Variants in ATP6V1H observed in about 807,000 individuals in gnomAD.
The protein encoded by ATP6V1H is ATPase H+ transporting V1 subunit H, also known as V-type proton ATPase subunit H.
A neutral mutation model predicts 71.7 loss-of-function variants in ATP6V1H; 39 were observed. The observed-to-expected ratio is 0.54, with a 90% CI of 0.42 to 0.71. The LOEUF is 0.71. ATP6V1H is among the 30% of genes least tolerant of loss of function. ATP6V1H has a pLI of 0.00. For synonymous variants in ATP6V1H, 192 were observed against 199.3 expected (o/e 0.96, Z 0.31); for missense variants, 509 against 594.9 (o/e 0.86, Z 1.50).
At chr8:53,742,659 G>C (rs1471582865) in intron 13 of ATP6V1H, among the ~76,000 whole-genome samples, 1 of 152,194 alleles carries the variant, frequency 6.6e-6, no homozygotes, top group African/African-American at 2.4e-5. Flanking sequence ...TATGATAAAA[G>C]TGTTAAGTGG....
At chr8:53,838,125 GTCT>G (rs1346644685) in intron 2 of ATP6V1H, among the ~76,000 whole-genome samples, 1 of 77,206 alleles carries the variant, frequency 1.3e-5, no homozygotes, top group Non-Finnish European at 2.2e-5. Flanking sequence ...TCCTGTTACT[GTCT>G]TTTTTTTTTT....
intron 13 of ATP6V1H, among the ~76,000 whole-genome samples, chr8:53,740,782 C>G (rs1807380537): frequency 6.6e-6 from 1 of 152,182 alleles, no homozygotes; most frequent in Non-Finnish European, 1.5e-5. Context: ...TGGGGATATA[C>G]TTTGCAAAAG....
intron 12 of ATP6V1H, among the ~76,000 whole-genome samples, chr8:53,753,835 C>G (rs1807891081): frequency 6.6e-6 from 1 of 152,136 alleles, no homozygotes. Flanking sequence ...ACAGTGTCAA[C>G]AACTATGAGG....
chr8:53,797,971 C>G (rs539358651), intron 8 of ATP6V1H, among the ~76,000 whole-genome samples: 19 of 152,132 alleles, frequency 1.2e-4, no homozygotes, highest in Non-Finnish European at 2.5e-4. Flanking sequence ...GGGAATAGCA[C>G]TGCATCTATA....
chr8:53,731,968 C>T (rs892445951), intron 13 of ATP6V1H, among the ~76,000 whole-genome samples: 6 of 152,206 alleles, frequency 3.9e-5, no homozygotes, highest in African/African-American at 4.8e-5. Flanking sequence ...CTGAACACTG[C>T]GAAGGAACTG....
intron 8 of ATP6V1H, 87 bp from the exon 9 acceptor site, chr8:53,795,926 A>T (rs1809715908): frequency 3.4e-6 from 4 of 1,188,332 alleles, no homozygotes; most frequent in Non-Finnish European, 4.7e-6. Context: ...CACTAATGGA[A>T]CAGGTCTCTC....
chr8:53,721,977 A>C lies in ATP6V1H; in HGVS notation c.1392-5953T>G, dbSNP rs573144798. ...TCTATTTATAGGAGTTGTAGTCCTA[A>C]GAAACAAAAATGTACATTTTAAAAG... On this transcript the variant is annotated intron_variant, in intron 13 of 13. Coordinates refer to ENST00000359530, the MANE Select transcript of ATP6V1H (RefSeq NM_015941.4). 2.3e-3 allele frequency among the ~76,000 whole-genome samples: 346 copies of C among 152,368 alleles called. 2 individuals carry two copies. The highest frequency in any genetic ancestry group is 8.1e-3 in the African/African-American group (335 of 41,588).
At chr8:53,791,927 T>A (rs575365539) in intron 9 of ATP6V1H, among the ~76,000 whole-genome samples, 18 of 152,208 alleles carry the variant, frequency 1.2e-4, no homozygotes, top group Admixed American at 1.0e-3. Flanking sequence ...CACAACTGTT[T>A]TGTGATTTAG....
chr8:53,829,353 G>A (rs2130518202), intron 4 of ATP6V1H, 91 bp downstream of exon 4: 1 of 793,716 alleles, frequency 1.3e-6, no homozygotes, highest in South Asian at 1.5e-5. Flanking sequence ...GAGAACAAAT[G>A]TTCTAAGTGA....
At chr8:53,810,250 A>G (rs1298349846) in intron 7 of ATP6V1H, among the ~76,000 whole-genome samples, 1 of 152,168 alleles carries the variant, frequency 6.6e-6, no homozygotes, top group Non-Finnish European at 1.5e-5. Flanking sequence ...CTTTCTATCA[A>G]CTGGCTCTCA....
At chr8:53,820,944 G>A (rs935127191) in intron 4 of ATP6V1H, among the ~76,000 whole-genome samples, 3 of 144,962 alleles carry the variant, frequency 2.1e-5, no homozygotes, top group African/African-American at 7.7e-5. Context: ...CTGTGCCACT[G>A]CACTCCAGCC....
intron 7 of ATP6V1H, chr8:53,806,816 T>C (rs1330767481): frequency 4.4e-6 from 2 of 453,572 alleles, no homozygotes; most frequent in African/African-American, 2.0e-5. Flanking sequence ...GCCCATTTTA[T>C]AATCAAGTGT....
chr8:53,801,413 G>T (rs957720035), intron 8 of ATP6V1H, among the ~76,000 whole-genome samples: 1 of 152,134 alleles, frequency 6.6e-6, no homozygotes, highest in African/African-American at 2.4e-5. Context: ...TGCAAATTAG[G>T]ATCCCACAAA....
intron 4 of ATP6V1H, among the ~76,000 whole-genome samples, chr8:53,824,831 A>C (rs1192277355): frequency 6.6e-6 from 1 of 151,966 alleles, no homozygotes; most frequent in African/African-American, 2.4e-5. Flanking sequence ...AAAATTATAA[A>C]ATTTTAATTA....
intron 13 of ATP6V1H, among the ~76,000 whole-genome samples, chr8:53,724,681 G>A (rs1048966157): frequency 2.0e-5 from 3 of 150,466 alleles, no homozygotes; most frequent in African/African-American, 7.4e-5. Flanking sequence ...GGATCTCTGC[G>A]CATGTCTAGT....
intron 4 of ATP6V1H, among the ~76,000 whole-genome samples, chr8:53,827,331 C>T (rs559940472): frequency 9.2e-5 from 14 of 151,596 alleles, no homozygotes; most frequent in African/African-American, 2.2e-4. Context: ...TGCAGCGAGC[C>T]GAGATCACGC....
chr8:53,728,132 G>T (rs781135933), intron 13 of ATP6V1H, among the ~76,000 whole-genome samples: 1 of 152,144 alleles, frequency 6.6e-6, no homozygotes, highest in Non-Finnish European at 1.5e-5. Flanking sequence ...GCCTTCTCAC[G>T]GTAGCCGCCT....
At chr8:53,806,712 A>T (rs913516569) in intron 7 of ATP6V1H, 5 of 376,068 alleles carry the variant, frequency 1.3e-5, no homozygotes, top group Non-Finnish European at 2.6e-5. Flanking sequence ...AATGACATGT[A>T]AAAGAAAGTC....
chr8:53,805,974 G>A (rs1810063458), intron 7 of ATP6V1H, among the ~76,000 whole-genome samples: 1 of 152,144 alleles, frequency 6.6e-6, no homozygotes, highest in African/African-American at 2.4e-5. Flanking sequence ...GATAACCTTT[G>A]TGCGAGTTGA....
Sources: allele counts gnomAD v4.1 joint callset (sites outside exome capture counted in the v4.1 genomes callset), GRCh38; gene constraint gnomAD v4.1.1; transcripts MANE v1.5; gene names NCBI Gene and HGNC (gene_info 2026-07-23, HGNC 2026-07-21).